MGA: variants seen among roughly 807,000 people sequenced by gnomAD.
MGA encodes the protein MAX gene-associated protein.
MGA carries 40 observed loss-of-function variants against 261.1 expected under a neutral mutation model. The ratio of observed to expected loss-of-function variants is 0.15; its 90% CI spans 0.12 to 0.20. MGA has a LOEUF of 0.20. Ranked by LOEUF, MGA falls within the 10% of genes least tolerant of loss-of-function variation. The probability of loss-of-function intolerance (pLI) is 1.00; values close to 1 mark genes in which losing one functional copy is unlikely to be tolerated. For missense variants in MGA, 3,397 were observed against 3,630.5 expected (o/e 0.94, Z 1.65); for synonymous variants, 1,302 against 1,290.6 (o/e 1.01, Z -0.19).
At chr15:41,733,922 C>CTT (rs143496306) in intron 11 of MGA, among the ~76,000 whole-genome samples, 2 of 145,230 alleles carry the variant, frequency 1.4e-5, no homozygotes. Context: ...TTGTTTCTTT[C>CTT]TTTTTTTTTT....
chr15:41,673,762 C>T (rs551305299), intron 2 of MGA, among the ~76,000 whole-genome samples: 43 of 150,040 alleles, frequency 2.9e-4, no homozygotes, highest in Non-Finnish European at 5.3e-4. Flanking sequence ...AGACTGGTCT[C>T]GAACTCATGA....
chr15:41,765,869 C>A (rs2063771677), intron 23 of MGA, 135 bp from the exon 24 acceptor site: 2 of 677,982 alleles, frequency 2.9e-6, no homozygotes, highest in Non-Finnish European at 4.7e-6. Context: ...ATATTTCTTT[C>A]ATCTTTTTGA....
chr15:41,661,310 C>G (rs1350849300), intron 1 of MGA, among the ~76,000 whole-genome samples: 1 of 152,106 alleles, frequency 6.6e-6, no homozygotes, highest in African/African-American at 2.4e-5. Flanking sequence ...GCCCTCAGTG[C>G]AAGGTATCTG....
chr15:41,652,323 C>T (rs186661032), intron 1 of MGA, among the ~76,000 whole-genome samples: 1,534 of 136,930 alleles, frequency 0.011, 136 homozygotes, highest in Admixed American at 0.1. Flanking sequence ...CCCCTCCCCT[C>T]TCTTCTTTCA....
In MGA at chr15:41,749,412, T is replaced by C. The variant is rs763658673; in HGVS notation, c.5805T>C (p.Ser1935=). The stretch of plus-strand genomic sequence containing the variant: ...GAGGACAGCCTGTTGGTACAGCCAG[T>C]CTTATTCCTCTCCAGTCTGGTAGTT... The change falls in exon 17 of 24, where the codon AGT becomes AGC. Residue 1935 remains serine, a synonymous_variant. Transcript: ENST00000219905. 3.1e-6 allele frequency: 5 copies of C among 1,613,888 alleles called. No individual in the cohort carries two copies. Among genetic ancestry groups the C allele is most frequent in the Middle Eastern group, 1.6e-4 (1 of 6,084 alleles).
At position 41,734,566 on chromosome 15, in the gene MGA, C is replaced by G. The variant is rs1918314; in HGVS notation, c.3888C>G (p.Asp1296Glu). The G allele has an allele frequency of 6.2e-7, 1 of 1,605,174 alleles. No individual in the cohort carries two copies. The highest frequency in any genetic ancestry group is 1.1e-5 in the South Asian group (1 of 89,260). ...AGCCCTTAAAACAACTCACCTGTGA[C>G]TTGGAGGATGATTCTGATAAATTAC... The change falls in exon 12 of 24, where the codon GAC (aspartate) becomes GAG (glutamate). Residue 1296 changes from aspartate (D) to glutamate (E), a missense_variant. Asp to Glu is a conservative substitution (Grantham distance 45, BLOSUM62 2). Transcript: ENST00000219905.
intron 2 of MGA, among the ~76,000 whole-genome samples, chr15:41,679,775 G>T (rs2058573784): frequency 6.6e-6 from 1 of 151,796 alleles, no homozygotes; most frequent in South Asian, 2.1e-4. Context: ...GTTTTTGAAA[G>T]TTTCTCTATA....
Position 41,749,218 on chromosome 15 carries a change from G to A in MGA, c.5611G>A (p.Val1871Ile). Residue 1871 changes from valine to isoleucine, a missense_variant, in exon 17 of 24, where the codon GTT (valine) becomes ATT (isoleucine). Physicochemically the swap from Val to Ile is conservative, Grantham distance 29 (BLOSUM62 3). Transcript: ENST00000219905. ...TGTCATGAATCCTGTAATTCAAGCT[G>A]TTGGGTCTTCTTCAGCAGTGAATGT... 1.2e-6 allele frequency: 2 copies of A among 1,613,986 alleles called. No individual in the cohort carries two copies. The highest frequency in any genetic ancestry group is 2.7e-5 in the African/African-American group (2 of 75,040).
chr15:41,736,302 A>G lies in MGA; in HGVS notation c.4038A>G (p.Glu1346=). The change falls in exon 13 of 24, where the codon GAA becomes GAG. Residue 1346 remains glutamate (E), a synonymous_variant. Transcript: ENST00000219905. ...TCATCTCAGACTGCAACTGGGAGGA[A>G]GATCGGAACAAGATTTTGAGCATCT... The G allele has an allele frequency of 6.2e-7, 1 of 1,614,074 alleles. No individual in the cohort carries two copies. The highest frequency in any genetic ancestry group is 1.1e-5 in the South Asian group (1 of 91,088).
Position 41,767,095 on chromosome 15 carries a change from G to C in MGA, c.9013G>C (p.Gly3005Arg). The C allele has an allele frequency of 6.2e-7, 1 of 1,613,978 alleles. No homozygotes were observed. The highest frequency in any genetic ancestry group is 8.5e-7 in the Non-Finnish European group (1 of 1,179,886). ...AGCTAATCCTTCCAGTGATGCAGAT[G>C]GTCAGAGTCTCAAGGTGATGCCTTG... The change falls in exon 24 of 24, where the codon GGT becomes CGT. Residue 3005 changes from glycine (G) to arginine (R), a missense_variant. Transcript: ENST00000219905.
At chr15:41,659,963 T>G (rs1173182197), upstream of MGA, among the ~76,000 whole-genome samples, 1 of 152,082 alleles carries the variant, frequency 6.6e-6, no homozygotes, top group Non-Finnish European at 1.5e-5. Context: ...TACTCCGGGG[T>G]GGAAGACCTC....
chr15:41,740,323 G>C, intron 14 of MGA, 120 bp downstream of exon 14: 1 of 1,140,748 alleles, frequency 8.8e-7, no homozygotes, highest in African/African-American at 1.6e-5. Context: ...TCTTATTCTT[G>C]TTGTCTGTCT....
At chr15:41,691,901 C>CTT (rs564632269) in intron 2 of MGA, among the ~76,000 whole-genome samples, 1 of 147,472 alleles carries the variant, frequency 6.8e-6, no homozygotes, top group South Asian at 2.2e-4. Flanking sequence ...CTAGATATGA[C>CTT]TTTTTTTTTT....
intron 1 of MGA, among the ~76,000 whole-genome samples, chr15:41,663,694 C>T (rs548439155): frequency 4.6e-5 from 7 of 152,090 alleles, no homozygotes; most frequent in Admixed American, 1.3e-4. Flanking sequence ...TGATCTTGAA[C>T]TCCTGACATC....
chr15:41,676,853 C>G (rs549778902), intron 2 of MGA, among the ~76,000 whole-genome samples: 100 of 152,264 alleles, frequency 6.6e-4, no homozygotes, highest in Admixed American at 1.5e-3. Context: ...AGTACATGAG[C>G]CTGCTGATTT....
chr15:41,709,242 G>A (rs2060264874), intron 7 of MGA, among the ~76,000 whole-genome samples: 2 of 152,010 alleles, frequency 1.3e-5, no homozygotes, highest in Middle Eastern at 3.4e-3. Context: ...AGCTACTTGC[G>A]GGGCTGAGGT....
At chr15:41,666,512 A>C (rs979963398) in intron 1 of MGA, among the ~76,000 whole-genome samples, 5 of 152,210 alleles carry the variant, frequency 3.3e-5, no homozygotes, top group African/African-American at 1.2e-4. Context: ...GGATCATTAG[A>C]AGCCCAAACC....
At chr15:41,637,561 C>A (rs573066906) in intron 1 of MGA, among the ~76,000 whole-genome samples, 1 of 152,000 alleles carries the variant, frequency 6.6e-6, no homozygotes, top group Admixed American at 6.6e-5. Flanking sequence ...GGTGAAAAGC[C>A]GATTGTGTCC....
At chr15:41,684,130 G>C (rs949231728) in intron 2 of MGA, among the ~76,000 whole-genome samples, 4 of 152,058 alleles carry the variant, frequency 2.6e-5, no homozygotes, top group African/African-American at 9.7e-5. Flanking sequence ...GCACTGGCCT[G>C]TAAATTCCTT....
Sources: gnomAD v4.1 joint callset for allele counts (sites outside exome capture counted in the v4.1 genomes callset) on GRCh38, gnomAD v4.1.1 for gene constraint, MANE v1.5 for transcripts, NCBI Gene and HGNC (gene_info 2026-07-23, HGNC 2026-07-21) for gene names.